The following ZDHHC1 variants were observed in gnomAD, a reference collection of about 807,000 sequenced individuals.
The protein encoded by ZDHHC1 is palmitoyltransferase ZDHHC1.
In ZDHHC1, 45 loss-of-function variants were observed where a neutral mutation model predicts 46.9. That is an observed-to-expected ratio of 0.96 (90% CI 0.76 to 1.23). ZDHHC1 has a LOEUF of 1.23. ZDHHC1 is among the 50% of genes most tolerant of loss of function. ZDHHC1 has a pLI of 0.00. For synonymous variants in ZDHHC1, 291 were observed against 286.0 expected, an observed-to-expected ratio of 1.02 and a Z score of -0.18; for missense variants, 649 against 670.8, an observed-to-expected ratio of 0.97 and a Z score of 0.36.
In ZDHHC1 at chr16:67,399,440, G is replaced by C; in HGVS notation, c.445C>G (p.His149Asp). The change falls in exon 5 of 12, where the codon CAC becomes GAC. Residue 149 changes from histidine (H) to aspartate (D), a missense_variant. By Grantham distance (81) the His-to-Asp change is moderately conservative. Transcript: ENST00000565726. ...CNVDVSARSK[H>D]CSACNKCVCG... ...ACGCACTTGTTGCAGGCGCTGCAGT[G>C]CTTGGAGCGAGCGCTCCTGCAGGGA... 1 of 1,612,578 alleles carries C rather than the reference G, an allele frequency of 6.2e-7. No homozygotes were observed. Among genetic ancestry groups the C allele is most frequent in the African/African-American group, 1.3e-5 (1 of 75,052 alleles).
chr16:67,398,096 T>C (rs1022639207), intron 8 of ZDHHC1, 116 bp downstream of exon 8: 1 of 1,002,728 alleles, frequency 1.0e-6, no homozygotes, highest in Non-Finnish European at 1.5e-6. Context: ...CGGTCCCTGC[T>C]GCCCCCAGCG....
At position 67,409,772 on chromosome 16, in the gene ZDHHC1, C is replaced by T. The variant is rs149602356; in HGVS notation, c.-38-1959G>A. Among the ~76,000 whole-genome samples the T allele has an allele frequency of 7.7e-3, 1,179 of 152,316 alleles. 17 individuals carry two copies. Among genetic ancestry groups the T allele is most frequent in the African/African-American group, 0.027 (1,126 of 41,564 alleles). Reference sequence around the variant, plus strand: ...TCTCCAACGACGTAGCCAGCTGGCACCCTCTGACCTTGGCCAGTCAGCACT... The same window carrying T: ...TCTCCAACGACGTAGCCAGCTGGCATCCTCTGACCTTGGCCAGTCAGCACT... On this transcript the variant is annotated intron_variant, in intron 1 of 11. Coordinates refer to ENST00000565726, the MANE Select transcript of ZDHHC1 (RefSeq NM_001323627.2).
intron 10 of ZDHHC1, 28 bp from the exon 11 acceptor site, chr16:67,395,090 C>A (rs778080004): frequency 1.9e-6 from 3 of 1,613,284 alleles, no homozygotes; most frequent in South Asian, 2.2e-5. Context: ...AGCCTGAGGG[C>A]CCCACATCGC....
At chr16:67,408,064 C>A (rs1335363477) in intron 1 of ZDHHC1, among the ~76,000 whole-genome samples, 1 of 152,194 alleles carries the variant, frequency 6.6e-6, no homozygotes, top group Non-Finnish European at 1.5e-5. Flanking sequence ...CCAAGCCAAG[C>A]ATTATTTGAA....
chr16:67,415,389 C>T (rs969650008), intron 1 of ZDHHC1, among the ~76,000 whole-genome samples: 11 of 151,068 alleles, frequency 7.3e-5, no homozygotes, highest in Non-Finnish European at 1.5e-4. Context: ...AGCCCGGGAG[C>T]CGGAGCCTGC....
chr16:67,413,900 T>C (rs988858083), intron 1 of ZDHHC1, among the ~76,000 whole-genome samples: 3 of 145,696 alleles, frequency 2.1e-5, no homozygotes, highest in East Asian at 2.0e-4. Context: ...GATCATGCCA[T>C]TGCACTCCAG....
At chr16:67,399,966 A>AGTGCAGGCTGCCATCCGCGTGAGC (rs1245197834) in intron 4 of ZDHHC1, among the ~76,000 whole-genome samples, 3 of 152,226 alleles carry the variant, frequency 2.0e-5, no homozygotes, top group Non-Finnish European at 4.4e-5. Flanking sequence ...AGGCAAAAGA[A>AGTGCAGGCTGCCATCCGCGTGAGC]GTGCAGGCTG....
At chr16:67,415,256 G>A (rs1013517496) in intron 1 of ZDHHC1, among the ~76,000 whole-genome samples, 2 of 151,830 alleles carry the variant, frequency 1.3e-5, no homozygotes, top group African/African-American at 2.4e-5. Flanking sequence ...CCAGGAGCTC[G>A]AGACCAGCCT....
intron 8 of ZDHHC1, among the ~76,000 whole-genome samples, chr16:67,396,770 G>A (rs2040442146): frequency 6.6e-6 from 1 of 152,180 alleles, no homozygotes; most frequent in African/African-American, 2.4e-5. Context: ...CCTCTTTTCT[G>A]CCCCAGTGTG....
chr16:67,403,615 GT>G (rs549234682), intron 3 of ZDHHC1, among the ~76,000 whole-genome samples: 185 of 143,666 alleles, frequency 1.3e-3, no homozygotes, highest in Non-Finnish European at 8.0e-4. Flanking sequence ...TTTGTTTTTT[GT>G]TTTTTTTTTT....
Position 67,394,561 on chromosome 16 carries a change from G to T in ZDHHC1, c.*49C>A, listed in dbSNP as rs1597526768. On this transcript the variant is annotated 3_prime_UTR_variant, in exon 12 of 12. Coordinates refer to ENST00000565726, the MANE Select transcript of ZDHHC1 (RefSeq NM_001323627.2). ...TGCGGCAAGGATGGGGTGTTGCATA[G>T]AGAGTCAGGCCGGCCGCTCTAACTC... 8.0e-6 allele frequency: 9 copies of T among 1,130,834 alleles called. No individual in the cohort carries two copies. Among genetic ancestry groups the T allele is most frequent in the Admixed American group, 9.7e-5 (2 of 20,534 alleles). The allele number at this position is 1,130,834 out of a possible 1,614,324, so 70.1% of individuals were successfully genotyped here.
At chr16:67,414,518 A>T (rs929830191) in intron 1 of ZDHHC1, among the ~76,000 whole-genome samples, 4 of 152,236 alleles carry the variant, frequency 2.6e-5, no homozygotes, top group Non-Finnish European at 5.9e-5. Flanking sequence ...TGTTTGCATG[A>T]TAATAACCAA....
intron 1 of ZDHHC1, among the ~76,000 whole-genome samples, chr16:67,410,072 G>T (rs2040726438): frequency 6.6e-6 from 1 of 152,150 alleles, no homozygotes; most frequent in East Asian, 1.9e-4. Context: ...AGATCACAGG[G>T]GTCTAGGAGG....
chr16:67,413,023 G>A (rs982720545), intron 1 of ZDHHC1, among the ~76,000 whole-genome samples: 3 of 151,544 alleles, frequency 2.0e-5, no homozygotes, highest in Non-Finnish European at 4.4e-5. Flanking sequence ...GGCTGGTCTC[G>A]AACTCCTGAC....
rs556589781 is a variant in ZDHHC1, at chr16:67,412,137, G to C, written c.-39+4034C>G. ...AAAAAAAAAAACAAAAAAAGGCTGC[G>C]GGGATGGATAGATATCTACATTCCT... On this transcript the variant is annotated intron_variant, in intron 1 of 11. Coordinates refer to ENST00000565726, the MANE Select transcript of ZDHHC1 (RefSeq NM_001323627.2). 2.0e-5 allele frequency among the ~76,000 whole-genome samples: 3 copies of C among 151,842 alleles called. No homozygotes were observed. In the East Asian group the frequency reaches 5.8e-4, roughly 29 times the overall value.
At chr16:67,403,128 A>T (rs2040584671) in intron 3 of ZDHHC1, among the ~76,000 whole-genome samples, 1 of 152,130 alleles carries the variant, frequency 6.6e-6, no homozygotes, top group Non-Finnish European at 1.5e-5. Context: ...CTGGCTAGGG[A>T]CTGTGGCTGT....
chr16:67,395,222 C>G lies in ZDHHC1; in HGVS notation c.1069G>C (p.Asp357His). ...ATCCGGGGAGGCAGGGCGAGAGTGT[C>G]TGGGGAAGAGGGTGGTGGAGGTTCC... ...QAEPPPPSSP[D>H]TLALPPRIRP... Residue 357 changes from aspartate (D) to histidine (H), a missense_variant, in exon 10 of 12, where the codon GAC (aspartate) becomes CAC (histidine). By Grantham distance (81) the Asp-to-His change is moderately conservative (BLOSUM62 -1). Coordinates refer to ENST00000565726, the MANE Select transcript of ZDHHC1 (RefSeq NM_001323627.2). 6.2e-7 allele frequency: 1 copy of G among 1,608,826 alleles called. No homozygotes were observed. Among genetic ancestry groups the G allele is most frequent in the Non-Finnish European group, 8.5e-7 (1 of 1,178,180 alleles).
At chr16:67,395,684 G>T in intron 8 of ZDHHC1, 118 bp from the exon 9 acceptor site, 2 of 998,932 alleles carry the variant, frequency 2.0e-6, no homozygotes, top group Non-Finnish European at 1.5e-6. Flanking sequence ...CAGGCCTCAT[G>T]CCAGGCTCCC....
intron 8 of ZDHHC1, among the ~76,000 whole-genome samples, chr16:67,396,845 G>C (rs560543570): frequency 6.6e-5 from 10 of 152,334 alleles, no homozygotes; most frequent in Middle Eastern, 3.4e-3. Context: ...GGCTCCAGAG[G>C]GGGGAGCAGA....
Sources: allele counts gnomAD v4.1 joint callset (sites outside exome capture counted in the v4.1 genomes callset), GRCh38; gene constraint gnomAD v4.1.1; transcripts MANE v1.5; gene names NCBI Gene and HGNC (gene_info 2026-07-23, HGNC 2026-07-21).